LOC128462377: variants seen among roughly 807,000 people sequenced by gnomAD.
chr16:89,379,713 G>A, the LOC128462377 span, among the ~76,000 whole-genome samples: 3 of 152,232 alleles, frequency 2.0e-5, no homozygotes, highest in Non-Finnish European at 4.4e-5. Flanking sequence ...TCCGTGCAGT[G>A]CACGGATTTG....
chr16:89,384,187 T>C, the LOC128462377 span, among the ~76,000 whole-genome samples: 1 of 152,148 alleles, frequency 6.6e-6, no homozygotes, highest in Non-Finnish European at 1.5e-5. Context: ...GCTCCTGCAC[T>C]CCAGCCTGGG....
At chr16:89,330,560 G>C in the LOC128462377 span, among the ~76,000 whole-genome samples, 3 of 151,306 alleles carry the variant, frequency 2.0e-5, no homozygotes, top group East Asian at 5.8e-4. Flanking sequence ...GGGGTGGTGT[G>C]GGGGGGAGCC....
the LOC128462377 span, among the ~76,000 whole-genome samples, chr16:89,404,578 C>T: frequency 3.1e-4 from 47 of 152,344 alleles, no homozygotes; most frequent in Non-Finnish European, 6.0e-4. Context: ...ACTGTTGACT[C>T]GCAAAGTTAC....
At chr16:89,407,213 G>A in the LOC128462377 span, among the ~76,000 whole-genome samples, 1 of 151,248 alleles carries the variant, frequency 6.6e-6, no homozygotes, top group African/African-American at 2.4e-5. Flanking sequence ...AGAACACGCA[G>A]ACAGAAAAGA....
chr16:89,331,906 AC>A, the LOC128462377 span, among the ~76,000 whole-genome samples: 5 of 152,186 alleles, frequency 3.3e-5, no homozygotes, highest in African/African-American at 1.2e-4. Flanking sequence ...TGGCTCCTGC[AC>A]GTGGGCCCCA....
chr16:89,393,644 G>C, the LOC128462377 span, among the ~76,000 whole-genome samples: 3 of 152,030 alleles, frequency 2.0e-5, no homozygotes, highest in Non-Finnish European at 2.9e-5. Context: ...GCCCGGCCTA[G>C]TTTCCTCTTA....
the LOC128462377 span, among the ~76,000 whole-genome samples, chr16:89,377,499 G>T: frequency 0.029 from 4,404 of 151,986 alleles, 144 homozygotes; most frequent in African/African-American, 0.074. Context: ...GGGGGGCGGG[G>T]AGGGATGAAG....
At chr16:89,319,585 T>C in the LOC128462377 span, among the ~76,000 whole-genome samples, 1 of 152,196 alleles carries the variant, frequency 6.6e-6, no homozygotes, top group Non-Finnish European at 1.5e-5. Context: ...ATGTTACCGA[T>C]GGCAGCGATG....
At chr16:89,353,350 A>AG in the LOC128462377 span, among the ~76,000 whole-genome samples, 325 of 149,554 alleles carry the variant, frequency 2.2e-3, 1 homozygote, top group African/African-American at 7.0e-3. Context: ...TCCAAAAAAA[A>AG]AGAGAGAGAG....
the LOC128462377 span, among the ~76,000 whole-genome samples, chr16:89,359,977 G>A: frequency 1.3e-5 from 2 of 152,076 alleles, no homozygotes; most frequent in East Asian, 3.9e-4. Context: ...GGCGGGGGGG[G>A]AGGTTGTACG....
chr16:89,356,035 A>G, the LOC128462377 span, among the ~76,000 whole-genome samples: 2 of 152,178 alleles, frequency 1.3e-5, no homozygotes, highest in Non-Finnish European at 2.9e-5. Context: ...GAGCCCAGAT[A>G]GCGCCCCTGC....
At chr16:89,326,472 C>T in the LOC128462377 span, among the ~76,000 whole-genome samples, 2 of 151,974 alleles carry the variant, frequency 1.3e-5, no homozygotes, top group African/African-American at 2.4e-5. Flanking sequence ...GGGCCAGGCA[C>T]GGTGGCTCAC....
the LOC128462377 span, among the ~76,000 whole-genome samples, chr16:89,372,462 C>A: frequency 2.7e-4 from 41 of 152,272 alleles, 1 homozygote; most frequent in Admixed American, 2.6e-3. Flanking sequence ...ACCAGCTGCC[C>A]ACTGAGTCAC....
chr16:89,372,705 TGCTAGTAAAC>T, the LOC128462377 span: 1 of 152,178 alleles, frequency 6.6e-6, no homozygotes, highest in African/African-American at 2.4e-5. Context: ...GCTGGTCAAA[TGCTAGTAAAC>T]GCTGAGCCCG....
the LOC128462377 span, among the ~76,000 whole-genome samples, chr16:89,405,276 G>A: frequency 6.6e-6 from 1 of 152,164 alleles, no homozygotes; most frequent in African/African-American, 2.4e-5. Flanking sequence ...GTTACGTGGG[G>A]CATGACTGTA....
At chr16:89,404,618 A>C in the LOC128462377 span, among the ~76,000 whole-genome samples, 1 of 152,184 alleles carries the variant, frequency 6.6e-6, no homozygotes, top group African/African-American at 2.4e-5. Flanking sequence ...TGCCTAGGTC[A>C]GGAGAAGACA....
the LOC128462377 span, among the ~76,000 whole-genome samples, chr16:89,415,261 C>CTTTTTTT: frequency 1.2e-5 from 1 of 84,532 alleles, no homozygotes; most frequent in Non-Finnish European, 2.2e-5. Flanking sequence ...GCCAGCTATT[C>CTTTTTTT]TTTTTTTTTT....
At chr16:89,391,970 T>C in the LOC128462377 span, among the ~76,000 whole-genome samples, 1 of 152,240 alleles carries the variant, frequency 6.6e-6, no homozygotes, top group East Asian at 1.9e-4. Context: ...CTGTTCCTCT[T>C]CCTTAGTTGA....
At chr16:89,385,167 T>C in the LOC128462377 span, among the ~76,000 whole-genome samples, 92,341 of 150,212 alleles carry the variant, frequency 0.61, 28,859 homozygotes, top group African/African-American at 0.74. Flanking sequence ...TGAGCCACTG[T>C]ACCCGGCCTT....
Sources: gnomAD v4.1 joint callset for allele counts (sites outside exome capture counted in the v4.1 genomes callset) on GRCh38, gnomAD v4.1.1 for gene constraint, MANE v1.5 for transcripts.